Variants in GPHN observed in about 807,000 individuals in gnomAD.
The protein encoded by GPHN is gephyrin.
Under a neutral mutation model 95.5 loss-of-function variants are expected in GPHN, and 17 were observed. The observed-to-expected ratio is 0.18, with a 90% confidence interval of 0.12 to 0.27. GPHN has a LOEUF of 0.27. Ranked by LOEUF, GPHN falls within the 10% of genes least tolerant of loss-of-function variation. The pLI is 1.00. For synonymous variants in GPHN, 320 were observed against 322.5 expected (o/e 0.99, Z 0.08); for missense variants, 660 against 978.1 (o/e 0.67, Z 4.34).
chr14:67,454,548 A>T, the GPHN span: 1 of 152,242 alleles, frequency 6.6e-6, no homozygotes, highest in African/African-American at 2.4e-5. Context: ...GCACTCATTC[A>T]TTCATTTATT....
intron 2 of GPHN, among the ~76,000 whole-genome samples, chr14:66,758,072 A>C (rs931140900): frequency 6.6e-6 from 1 of 152,216 alleles, no homozygotes; most frequent in Admixed American, 6.5e-5. Flanking sequence ...TATGCAAAAA[A>C]GGTTAAAGTG....
the GPHN span, among the ~76,000 whole-genome samples, chr14:67,192,946 ATC>A: frequency 6.8e-5 from 10 of 146,704 alleles, no homozygotes; most frequent in East Asian, 2.0e-4. Flanking sequence ...CTAGATAAAT[ATC>A]TCTATATATC....
chr14:67,676,579 G>GA, the GPHN span, among the ~76,000 whole-genome samples: 534 of 150,182 alleles, frequency 3.6e-3, 17 homozygotes, highest in East Asian at 0.081. Flanking sequence ...AAAAAGAAAG[G>GA]AAAAAAAAAT....
chr14:67,373,137 A>G, the GPHN span, among the ~76,000 whole-genome samples: 1 of 152,218 alleles, frequency 6.6e-6, no homozygotes, highest in Admixed American at 6.5e-5. Context: ...AGATAAAATT[A>G]ACATGTACTT....
intron 3 of GPHN, among the ~76,000 whole-genome samples, chr14:66,787,963 G>A (rs906948257): frequency 4.0e-5 from 6 of 151,614 alleles, no homozygotes; most frequent in Non-Finnish European, 7.4e-5. Context: ...CAAAAAGCAC[G>A]GTTCATACAA....
chr14:67,722,204 T>C, the GPHN span, among the ~76,000 whole-genome samples: 1 of 152,166 alleles, frequency 6.6e-6, no homozygotes, highest in Non-Finnish European at 1.5e-5. Context: ...TTTAATCCAC[T>C]CATATTTTAA....
chr14:67,315,568 A>G, the GPHN span, among the ~76,000 whole-genome samples: 27 of 151,990 alleles, frequency 1.8e-4, 1 homozygote, highest in Admixed American at 1.8e-3. Context: ...AAGCCACTGC[A>G]CCCGACCCCT....
chr14:67,340,385 A>G, the GPHN span: 7 of 1,458,712 alleles, frequency 4.8e-6, no homozygotes, highest in Non-Finnish European at 5.8e-6. Flanking sequence ...CAGCAAATAC[A>G]GCCTTTGGAA....
At chr14:67,301,498 T>C in the GPHN span, 2 of 1,481,004 alleles carry the variant, frequency 1.4e-6, no homozygotes, top group Non-Finnish European at 1.9e-6. Flanking sequence ...ATATATGTGG[T>C]TTTTCCAGCA....
chr14:67,053,660 A>C (rs2075415919), intron 10 of GPHN, among the ~76,000 whole-genome samples: 1 of 152,206 alleles, frequency 6.6e-6, no homozygotes, highest in Non-Finnish European at 1.5e-5. Flanking sequence ...GATACAACAA[A>C]AAAAGAAAAC....
the GPHN span, chr14:67,201,737 GCA>G: frequency 3.0e-6 from 1 of 337,320 alleles, no homozygotes; most frequent in Admixed American, 3.9e-5. Flanking sequence ...AAGAAGAGGG[GCA>G]CAGTTTGGGT....
rs191743049 is a variant in GPHN at position 66,588,970 on chromosome 14, G to C, written c.64+80379G>C. 2.7e-3 allele frequency among the ~76,000 whole-genome samples: 415 copies of C among 152,156 alleles called. 1 individual carries two copies. Among genetic ancestry groups the C allele is most frequent in the Non-Finnish European group, 5.0e-3 (343 of 68,002 alleles). On this transcript the variant is annotated intron_variant, in intron 1 of 22. Transcript: ENST00000478722. ...GTTGAAATGAAGGAGAAAATGTTAA[G>C]GGCAGCCAGAGAGAAAGGTCAGGTT... is the stretch of plus-strand genomic sequence containing the variant.
the GPHN span, among the ~76,000 whole-genome samples, chr14:67,346,134 C>T: frequency 2.6e-5 from 4 of 152,138 alleles, no homozygotes; most frequent in Admixed American, 1.3e-4. Flanking sequence ...AGCTTGATGC[C>T]CCTTATTCCC....
chr14:67,355,919 G>A, the GPHN span, among the ~76,000 whole-genome samples: 4 of 152,036 alleles, frequency 2.6e-5, no homozygotes, highest in Non-Finnish European at 4.4e-5. Flanking sequence ...AGGACTGATT[G>A]AGCCCAGGAG....
intron 18 of GPHN, among the ~76,000 whole-genome samples, chr14:67,150,170 C>T (rs977753634): frequency 6.6e-6 from 1 of 151,942 alleles, no homozygotes; most frequent in Non-Finnish European, 1.5e-5. Flanking sequence ...TGGCCGGGCG[C>T]GGTGGCTCAC....
At chr14:67,678,935 GA>G in the GPHN span, among the ~76,000 whole-genome samples, 2 of 152,164 alleles carry the variant, frequency 1.3e-5, no homozygotes, top group African/African-American at 4.8e-5. Flanking sequence ...ACAACAAAAG[GA>G]AAAGGCGACA....
the GPHN span, among the ~76,000 whole-genome samples, chr14:67,292,917 C>A: frequency 6.6e-6 from 1 of 152,100 alleles, no homozygotes; most frequent in East Asian, 1.9e-4. Context: ...AGAGTCAGAA[C>A]ACTGTTTCAT....
chr14:66,829,583 T>C (rs2061508297), intron 4 of GPHN, among the ~76,000 whole-genome samples: 2 of 152,204 alleles, frequency 1.3e-5, no homozygotes, highest in South Asian at 2.1e-4. Context: ...TTTGATAATA[T>C]AGTAAATTAG....
At chr14:67,025,323 A>G (rs1177088935) in intron 10 of GPHN, among the ~76,000 whole-genome samples, 1 of 152,196 alleles carries the variant, frequency 6.6e-6, no homozygotes, top group Non-Finnish European at 1.5e-5. Flanking sequence ...AAACATAGAC[A>G]TAGGCCTCAG....
Sources: allele counts gnomAD v4.1 joint callset (sites outside exome capture counted in the v4.1 genomes callset), GRCh38; gene constraint gnomAD v4.1.1; transcripts MANE v1.5; gene names NCBI Gene and HGNC (gene_info 2026-07-23, HGNC 2026-07-21).